SLC38A7: variants seen among roughly 807,000 people sequenced by gnomAD.
The protein encoded by SLC38A7 is sodium-coupled neutral amino acid transporter 7.
Under a neutral mutation model 50.1 loss-of-function variants are expected in SLC38A7, and 29 were observed. That is an observed-to-expected ratio of 0.58 (90% CI 0.43 to 0.79). The LOEUF (loss-of-function observed/expected upper bound fraction) is 0.79. Ranked by LOEUF, SLC38A7 falls within the 30% of genes least tolerant of loss-of-function variation. The pLI, the probability that SLC38A7 is intolerant of heterozygous loss-of-function variation, is 0.00. For missense variants in SLC38A7, 483 were observed against 610.6 expected (o/e 0.79, Z 2.20); for synonymous variants, 244 against 245.9 (o/e 0.99, Z 0.07).
At position 58,677,539 on chromosome 16, in the gene SLC38A7, G is replaced by A. The variant is rs189494675; in HGVS notation, c.612-115C>T. 3 of 846,136 alleles carry A rather than the reference G, an allele frequency of 3.5e-6. No homozygotes were observed. The Admixed American group carries it at 6.3e-5, about 18-fold the overall frequency. The allele number at this position is 846,136 out of a possible 1,614,324, so 52.4% of individuals were successfully genotyped here. A position where few individuals can be genotyped will look rare whatever the true frequency, so the allele number is the denominator to read the frequency against. On this transcript the variant is annotated intron_variant, in intron 5 of 11. Coordinates refer to ENST00000219320, the MANE Select transcript of SLC38A7 (RefSeq NM_018231.3). The stretch of plus-strand genomic sequence containing the variant: ...CCACAAGTGTCCACTGAATGAACCG[G>A]AGACTATGCCAAGCAGACTCAGGAA...
At chr16:58,676,896 C>T (rs184323342) in intron 6 of SLC38A7, among the ~76,000 whole-genome samples, 28 of 152,144 alleles carry the variant, frequency 1.8e-4, no homozygotes, top group Non-Finnish European at 3.4e-4. Context: ...CCTCATGATC[C>T]GCCCGCCTCG....
At chr16:58,669,103 CTTTTTTTTTTTT>C (rs71155293) in intron 11 of SLC38A7, among the ~76,000 whole-genome samples, 3 of 54,592 alleles carry the variant, frequency 5.5e-5, no homozygotes, top group Non-Finnish European at 9.4e-5. Context: ...GTTTGTATGG[CTTTTTTTTTTTT>C]TTTTTTTTTT....
At chr16:58,669,842 G>A (rs571462546) in intron 11 of SLC38A7, among the ~76,000 whole-genome samples, 1 of 150,096 alleles carries the variant, frequency 6.7e-6, no homozygotes, top group Non-Finnish European at 1.5e-5. Context: ...GGGTGTGGTG[G>A]CAGGCATCTG....
intron 8 of SLC38A7, among the ~76,000 whole-genome samples, chr16:58,674,190 A>T (rs1264877936): frequency 6.6e-6 from 1 of 152,034 alleles, no homozygotes; most frequent in Admixed American, 6.6e-5. Context: ...GCTGGTCTTG[A>T]ACTCCTGGCC....
chr16:58,677,327 T>C lies in SLC38A7; in HGVS notation c.709A>G (p.Arg237Gly). Reference protein sequence around the residue: ...KEMTPGNILTRPASWMAVFNA... With the variant: ...KEMTPGNILTGPASWMAVFNA... ...GTCTCCTAGGGCCCTCACCCTCACC[T>C]GGTCAGGATGTTCCCTGGGGTCATC... is the stretch of plus-strand genomic sequence containing the variant. Residue 237 changes from arginine to glycine, a missense_variant and splice_region_variant, in exon 6 of 12, where the codon AGG becomes GGG. Transcript: ENST00000219320. 1.2e-6 allele frequency: 2 copies of C among 1,613,716 alleles called. No individual in the cohort carries two copies. The highest frequency in any genetic ancestry group is 1.7e-6 in the Non-Finnish European group (2 of 1,179,666).
At chr16:58,680,606 C>G (rs182334442) in intron 2 of SLC38A7, among the ~76,000 whole-genome samples, 1 of 152,240 alleles carries the variant, frequency 6.6e-6, no homozygotes, top group African/African-American at 2.4e-5. Context: ...CATCACTGAC[C>G]CAGGGTCATA....
chr16:58,672,162 G>A lies in SLC38A7; in HGVS notation c.965C>T (p.Ala322Val). 6.4e-7 allele frequency: 1 copy of A among 1,566,982 alleles called. No homozygotes were observed. ...CAGGATGATGAAGGCTCGGGCAACG[G>A]CCACGGCCATGTCCTCCGAGGGATA... ...LSYPSEDMAV[A>V]VARAFIILSV... Residue 322 changes from alanine to valine, a missense_variant, in exon 9 of 12, where the codon GCC (alanine) becomes GTC (valine). By Grantham distance (64) the Ala-to-Val change is moderately conservative (BLOSUM62 0). Transcript: ENST00000219320.
intron 11 of SLC38A7, among the ~76,000 whole-genome samples, chr16:58,669,696 T>C: frequency 8.0e-6 from 1 of 125,216 alleles, no homozygotes. Flanking sequence ...ACAACCTGGC[T>C]GGGTGTGGTG....
chr16:58,673,083 ATTTTTTTT>A (rs34081609), intron 8 of SLC38A7, among the ~76,000 whole-genome samples: 17 of 60,390 alleles, frequency 2.8e-4, no homozygotes, highest in African/African-American at 1.2e-3. Flanking sequence ...TGCCCGGCTA[ATTTTTTTT>A]TTTTTTTTTT....
intron 8 of SLC38A7, among the ~76,000 whole-genome samples, chr16:58,674,526 C>T (rs566683503): frequency 6.6e-6 from 1 of 152,254 alleles, no homozygotes; most frequent in Admixed American, 6.5e-5. Context: ...AACCTCCCAC[C>T]TTGGCCTCCC....
intron 11 of SLC38A7, among the ~76,000 whole-genome samples, chr16:58,668,767 TTTC>T (rs1207944343): frequency 1.3e-4 from 19 of 150,808 alleles, no homozygotes; most frequent in African/African-American, 3.9e-4. Flanking sequence ...GGTGATTTTT[TTTC>T]TTCTTCTTCT....
chr16:58,668,538 AAAC>A (rs1889466650), intron 11 of SLC38A7, among the ~76,000 whole-genome samples: 3 of 151,674 alleles, frequency 2.0e-5, no homozygotes, highest in Non-Finnish European at 2.9e-5. Context: ...TTCCATCTCA[AAAC>A]AACAACAACA....
chr16:58,680,751 G>T (rs1326478032), intron 2 of SLC38A7, among the ~76,000 whole-genome samples: 1 of 152,166 alleles, frequency 6.6e-6, no homozygotes, highest in African/African-American at 2.4e-5. Flanking sequence ...ACGCCTCCCG[G>T]TGGCCTGGAG....
chr16:58,680,311 A>C, intron 2 of SLC38A7, 70 bp from the exon 3 acceptor site: 1 of 613,386 alleles, frequency 1.6e-6, no homozygotes, highest in Non-Finnish European at 2.5e-6. Context: ...AAGGTGTAAT[A>C]ACTTTCCCAA....
chr16:58,677,698 G>A, intron 5 of SLC38A7: 1 of 442,912 alleles, frequency 2.3e-6, no homozygotes. Context: ...GATGCAGAGA[G>A]CAGAGCTCCA....
rs1416665429 is a variant in SLC38A7, at chr16:58,673,761, A to G, written c.884-1518T>C. Among the ~76,000 whole-genome samples the G allele has an allele frequency of 2.7e-5, 4 of 148,506 alleles. No individual in the cohort carries two copies. In the East Asian group the frequency reaches 8.0e-4, roughly 30 times the overall value. ...TTCCACTGTAGTCTTGAATTCTTAGACTCAAGTTCCTCCTGACTTGGCCTC... is the reference window on the plus strand; with the variant it reads ...TTCCACTGTAGTCTTGAATTCTTAGGCTCAAGTTCCTCCTGACTTGGCCTC... On this transcript the variant is annotated intron_variant, in intron 8 of 11. Coordinates refer to ENST00000219320, the MANE Select transcript of SLC38A7 (RefSeq NM_018231.3).
chr16:58,677,419 A>G lies in SLC38A7; in HGVS notation c.617T>C (p.Leu206Pro), dbSNP rs769073245. The change falls in exon 6 of 12, where the codon CTG becomes CCG. Residue 206 changes from leucine (L) to proline (P), a missense_variant. Coordinates refer to ENST00000219320, the MANE Select transcript of SLC38A7 (RefSeq NM_018231.3). Reference protein sequence around the residue: ...EIGFQKYASFLSVVGTWYVTA... With the variant: ...EIGFQKYASFPSVVGTWYVTA... ...GACGTACCAGGTACCCACGACGCTC[A>G]GGAAGCTGCCGGGAAGGAGAGACTA... 6.2e-7 allele frequency: 1 copy of G among 1,614,082 alleles called. No homozygotes were observed. The highest frequency in any genetic ancestry group is 2.2e-5 in the East Asian group (1 of 44,868).
At position 58,676,364 on chromosome 16, in the gene SLC38A7, T is replaced by TG. The variant is rs1186042053; in HGVS notation, c.711-19dup. On this transcript the variant is annotated intron_variant, in intron 6 of 11. Coordinates refer to ENST00000219320, the MANE Select transcript of SLC38A7 (RefSeq NM_018231.3). ...AAGCCGGCCTGTGAACAAACACACA[T>TG]GGTGCTGCCACCTGGGAACCCCTCA... 6.2e-7 allele frequency: 1 copy of TG among 1,613,972 alleles called. No homozygotes were observed. Among genetic ancestry groups the TG allele is most frequent in the Non-Finnish European group, 8.5e-7 (1 of 1,180,018 alleles).
At chr16:58,682,289 G>A (rs1037085747) in intron 2 of SLC38A7, among the ~76,000 whole-genome samples, 1 of 152,140 alleles carries the variant, frequency 6.6e-6, no homozygotes, top group African/African-American at 2.4e-5. Context: ...CAGGAACTAA[G>A]GGGGCAGGGA....
Sources: allele counts gnomAD v4.1 joint callset (sites outside exome capture counted in the v4.1 genomes callset), GRCh38; gene constraint gnomAD v4.1.1; transcripts MANE v1.5; gene names NCBI Gene and HGNC (gene_info 2026-07-23, HGNC 2026-07-21).